The following AGXT variants were observed in gnomAD, a reference collection of about 807,000 sequenced individuals.
AGXT encodes the protein L-alanine: glyoxylate aminotransferase 1.
In AGXT, 41 loss-of-function variants were observed where a neutral mutation model predicts 46.9. The ratio of observed to expected loss-of-function variants is 0.88; its 90% confidence interval spans 0.68 to 1.14. The LOEUF is 1.14. AGXT is among the 50% of genes most tolerant of loss of function. The pLI, the probability that AGXT is intolerant of heterozygous loss-of-function variation, is 0.00. For synonymous variants in AGXT, 244 were observed against 227.9 expected, an observed-to-expected ratio of 1.07 and a Z score of -0.64; for missense variants, 525 against 522.7, an observed-to-expected ratio of 1.00 and a Z score of -0.04.
At chr2:240,877,319 G>A (rs980868573) in intron 8 of AGXT, 2 of 693,536 alleles carry the variant, frequency 2.9e-6, no homozygotes, top group East Asian at 5.4e-5. Context: ...CCTCCCCTCT[G>A]TCTCTCTGAA....
chr2:240,879,873 T>G lies in AGXT; in HGVS notation c.*1052T>G, dbSNP rs553249271. The G allele has an allele frequency of 6.6e-6, 1 of 152,350 alleles. No individual in the cohort carries two copies. Among genetic ancestry groups the G allele is most frequent in the African/African-American group, 2.4e-5 (1 of 41,584 alleles). 9.4% of individuals were successfully genotyped at this position (152,350 alleles called of 1,614,324 possible). A position where few individuals can be genotyped will look rare whatever the true frequency, so the allele number is the denominator to read the frequency against. ...CCTCCACTGTGCCAGCTTCTTTCAC[T>G]TACTGTTTTTGACACTCACATGTAC... On this transcript the variant is annotated 3_prime_UTR_variant, in exon 11 of 11. Coordinates refer to ENST00000307503, the MANE Select transcript of AGXT (RefSeq NM_000030.3).
At chr2:240,870,141 C>T (rs2058983732) in intron 2 of AGXT, among the ~76,000 whole-genome samples, 1 of 152,170 alleles carries the variant, frequency 6.6e-6, no homozygotes, top group Non-Finnish European at 1.5e-5. Flanking sequence ...CCCTGAACAG[C>T]ACACAGGATA....
intron 5 of AGXT, among the ~76,000 whole-genome samples, chr2:240,873,677 A>G (rs1243445423): frequency 1.3e-5 from 2 of 151,800 alleles, no homozygotes; most frequent in Non-Finnish European, 2.9e-5. Flanking sequence ...TCAAACTACT[A>G]CTGAAAGCAG....
At chr2:240,873,127 T>C (rs1204061812) in intron 5 of AGXT, 78 bp downstream of exon 5, 11 of 1,273,664 alleles carry the variant, frequency 8.6e-6, no homozygotes, top group Non-Finnish European at 1.3e-5. Flanking sequence ...GCTGGAAGCG[T>C]GCGTCCAGCA....
Position 240,879,131 on chromosome 2 carries a change from G to T in AGXT, c.*310G>T. On this transcript the variant is annotated 3_prime_UTR_variant, in exon 11 of 11. Transcript: ENST00000307503. ...GCCAACTCTCCTCACTGTGTGGGGTGGTCTGTGAAAGAGTGAGAGGAGAGC... is the reference window on the plus strand; with the variant it reads ...GCCAACTCTCCTCACTGTGTGGGGTTGTCTGTGAAAGAGTGAGAGGAGAGC... 2.0e-6 allele frequency: 1 copy of T among 490,550 alleles called. No individual in the cohort carries two copies. The highest frequency in any genetic ancestry group is 3.7e-6 in the Non-Finnish European group (1 of 267,406). The allele number at this position is 490,550 out of a possible 1,614,324, so 30.4% of individuals were successfully genotyped here.
At position 240,878,855 on chromosome 2, in the gene AGXT, C is replaced by T. The variant is rs3196760; in HGVS notation, c.*34C>T. The T allele has an allele frequency of 6.5e-7, 1 of 1,539,296 alleles. No individual in the cohort carries two copies. Among genetic ancestry groups the T allele is most frequent in the Non-Finnish European group, 8.8e-7 (1 of 1,135,908 alleles). ...CTGGCACACAGCTGGCACTGGCACACACCTGTCCCATGCCCACCCTGAGGG... is the reference window on the plus strand; with the variant it reads ...CTGGCACACAGCTGGCACTGGCACATACCTGTCCCATGCCCACCCTGAGGG... On this transcript the variant is annotated 3_prime_UTR_variant, in exon 11 of 11. Coordinates refer to ENST00000307503, the MANE Select transcript of AGXT (RefSeq NM_000030.3).
In AGXT at chr2:240,876,019, C is replaced by G. The variant is rs770435191; in HGVS notation, c.846+15C>G. The G allele has an allele frequency of 6.2e-7, 1 of 1,613,428 alleles. No homozygotes were observed. Among genetic ancestry groups the G allele is most frequent in the South Asian group, 1.1e-5 (1 of 91,008 alleles). ...TTGCGGAACAGGTGCATGGGCTGCA[C>G]TCCACAGGAGGAGACAGGGCCACTG... On this transcript the variant is annotated intron_variant, in intron 8 of 10. Coordinates refer to ENST00000307503, the MANE Select transcript of AGXT (RefSeq NM_000030.3).
At chr2:240,877,955 C>A in intron 9 of AGXT, 67 bp from the exon 10 acceptor site, 1 of 1,594,210 alleles carries the variant, frequency 6.3e-7, no homozygotes, top group Non-Finnish European at 8.5e-7. Context: ...ATGGTGCAGG[C>A]CAAGAGCTGT....
Position 240,869,308 on chromosome 2 carries a change from G to T in AGXT, c.304G>T (p.Val102Phe), listed in dbSNP as rs2058978746. 1 of 1,612,480 alleles carries T rather than the reference G, an allele frequency of 6.2e-7. No individual in the cohort carries two copies. The highest frequency in any genetic ancestry group is 1.3e-5 in the African/African-American group (1 of 75,054). The stretch of plus-strand genomic sequence containing the variant: ...GCTGGAGCCTGGGGACTCCTTCCTG[G>T]TTGGGGCCAATGGCATTTGGGGGCA... Reference protein sequence around the residue: ...NVLEPGDSFLVGANGIWGQRA... With the variant: ...NVLEPGDSFLFGANGIWGQRA... Residue 102 changes from valine (V) to phenylalanine (F), a missense_variant, in exon 2 of 11, where the codon GTT becomes TTT. Physicochemically the swap from Val to Phe is conservative, Grantham distance 50. Transcript: ENST00000307503.
intron 7 of AGXT, among the ~76,000 whole-genome samples, 156 bp from the exon 8 acceptor site, chr2:240,875,779 G>A (rs183281938): frequency 1.3e-5 from 2 of 152,372 alleles, no homozygotes; most frequent in Admixed American, 1.3e-4. Flanking sequence ...TGCCTTCCCG[G>A]TCCAAAGTTC....
intron 10 of AGXT, among the ~76,000 whole-genome samples, chr2:240,878,434 G>T (rs1309989782): frequency 6.6e-6 from 1 of 152,270 alleles, no homozygotes; most frequent in East Asian, 1.9e-4. Flanking sequence ...GAAGCCCCAC[G>T]CCTGGGCCTG....
intron 8 of AGXT, among the ~76,000 whole-genome samples, chr2:240,876,382 T>C (rs2059024867): frequency 6.6e-6 from 1 of 152,176 alleles, no homozygotes; most frequent in South Asian, 2.1e-4. Context: ...CCTGCAGGCT[T>C]GTCCAGCTCC....
chr2:240,870,531 C>A, intron 2 of AGXT, 113 bp from the exon 3 acceptor site: 1 of 1,278,592 alleles, frequency 7.8e-7, no homozygotes, highest in Non-Finnish European at 1.1e-6. Context: ...CAGGGTGCCA[C>A]GGTGGGTGGG....
At chr2:240,869,430 T>C (rs1356258474) in intron 2 of AGXT, 68 bp downstream of exon 2, 2 of 1,490,568 alleles carry the variant, frequency 1.3e-6, no homozygotes, top group Non-Finnish European at 1.8e-6. Flanking sequence ...CCTCCCTCTG[T>C]TTGAAGCTGG....
At chr2:240,869,982 C>T (rs899829637) in intron 2 of AGXT, among the ~76,000 whole-genome samples, 1 of 152,158 alleles carries the variant, frequency 6.6e-6, no homozygotes, top group African/African-American at 2.4e-5. Flanking sequence ...ACCCCAAGTC[C>T]ACAAACTTTT....
chr2:240,873,458 A>C lies in AGXT; in HGVS notation c.595+409A>C, dbSNP rs146281855. ...CAGGCTGCCCATAGCAGTGAGCACCACTGTCAGGGTCACCTCGCAGGGAAC... is the reference window on the plus strand; with the variant it reads ...CAGGCTGCCCATAGCAGTGAGCACCCCTGTCAGGGTCACCTCGCAGGGAAC... On this transcript the variant is annotated intron_variant, in intron 5 of 10. Transcript: ENST00000307503. 1,175 of 274,322 alleles carry C rather than the reference A, an allele frequency of 4.3e-3. 16 individuals carry two copies. The highest frequency in any genetic ancestry group is 0.024 in the African/African-American group (1,103 of 45,484). The allele number at this position is 274,322 out of a possible 1,614,324, so 17.0% of individuals were successfully genotyped here. A position where few individuals can be genotyped will look rare whatever the true frequency, so the allele number is the denominator to read the frequency against.
rs1172223007 is a variant in AGXT at position 240,870,700 on chromosome 2, G to C, written c.415G>C (p.Val139Leu). 6.4e-7 allele frequency: 1 copy of C among 1,555,834 alleles called. No individual in the cohort carries two copies. Among genetic ancestry groups the C allele is most frequent in the Non-Finnish European group, 8.7e-7 (1 of 1,149,574 alleles). ...DPGGHYTLQEVEEGLAQHKPV... is the reference protein window; with the variant it reads ...DPGGHYTLQELEEGLAQHKPV... ...TGGAGGCCACTACACACTGCAGGAG[G>C]TGGAGGAGGTAGGGGACCCGGGGTG... The change falls in exon 3 of 11, where the codon GTG (valine) becomes CTG (leucine). Residue 139 changes from valine (V) to leucine (L), a missense_variant. Physicochemically the swap from Val to Leu is conservative, Grantham distance 32. Coordinates refer to ENST00000307503, the MANE Select transcript of AGXT (RefSeq NM_000030.3).
At chr2:240,871,791 T>G (rs1263109455) in intron 4 of AGXT, among the ~76,000 whole-genome samples, 1 of 152,160 alleles carries the variant, frequency 6.6e-6, no homozygotes, top group Non-Finnish European at 1.5e-5. Flanking sequence ...AGCTGCCTGA[T>G]GCCCTCCACT....
intron 2 of AGXT, among the ~76,000 whole-genome samples, chr2:240,869,815 G>A (rs2058981774): frequency 6.6e-6 from 1 of 152,226 alleles, no homozygotes; most frequent in Non-Finnish European, 1.5e-5. Context: ...TATGGGCAGA[G>A]TATTCGCCTC....
Sources: gnomAD v4.1 joint callset for allele counts (sites outside exome capture counted in the v4.1 genomes callset) on GRCh38, gnomAD v4.1.1 for gene constraint, MANE v1.5 for transcripts, NCBI Gene and HGNC (gene_info 2026-07-23, HGNC 2026-07-21) for gene names.